CDC16: variants seen among roughly 807,000 people sequenced by gnomAD.
The protein encoded by CDC16 is cell division cycle protein 16 homolog.
CDC16 carries 34 observed loss-of-function variants against 87.0 expected under a neutral mutation model. That is an observed-to-expected ratio of 0.39 (90% CI 0.30 to 0.52). The LOEUF (loss-of-function observed/expected upper bound fraction) is 0.52. CDC16 is among the 20% of genes least tolerant of loss of function. CDC16 has a pLI of 0.74. For synonymous variants in CDC16, 263 were observed against 260.6 expected, an observed-to-expected ratio of 1.01 and a Z score of -0.09; for missense variants, 653 against 751.9, an observed-to-expected ratio of 0.87 and a Z score of 1.54.
intron 17 of CDC16, among the ~76,000 whole-genome samples, chr13:114,267,138 C>T (rs1194950753): frequency 2.0e-5 from 3 of 152,106 alleles, no homozygotes; most frequent in African/African-American, 7.2e-5. Flanking sequence ...AGAAACACAC[C>T]TAAGAAACTG....
At position 114,243,268 on chromosome 13, in the gene CDC16, C is replaced by A; in HGVS notation, c.553C>A (p.Leu185Ile). Residue 185 changes from leucine to isoleucine, a missense_variant, in exon 7 of 18, where the codon CTT becomes ATT. Physicochemically the swap from Leu to Ile is conservative, Grantham distance 5. Coordinates refer to ENST00000356221, the MANE Select transcript of CDC16 (RefSeq NM_001078645.3). Reference protein sequence around the residue: ...MLTAQEEKELLESLPLSKLCN... With the variant: ...MLTAQEEKELIESLPLSKLCN... Reference sequence around the variant, plus strand: ...TCACCATTTTTAAGAAAAAGAACTTCTTGAATCACTACCCCTTAGCAAGCT... The same window carrying A: ...TCACCATTTTTAAGAAAAAGAACTTATTGAATCACTACCCCTTAGCAAGCT... 6.6e-7 allele frequency: 1 copy of A among 1,514,576 alleles called. No homozygotes were observed. The highest frequency in any genetic ancestry group is 9.2e-7 in the Non-Finnish European group (1 of 1,092,118). The allele number at this position is 1,514,576 out of a possible 1,614,324, so 93.8% of individuals were successfully genotyped here. A position where few individuals can be genotyped will look rare whatever the true frequency, so the allele number is the denominator to read the frequency against.
Position 114,246,078 on chromosome 13 carries a change from T to G in CDC16, c.897+29T>G, listed in dbSNP as rs779320626. 68 of 1,107,294 alleles carry G rather than the reference T, an allele frequency of 6.1e-5. 1 individual carries two copies. In the African/African-American group the frequency reaches 7.1e-4, roughly 12 times the overall value. 68.6% of individuals were successfully genotyped at this position (1,107,294 alleles called of 1,614,324 possible). ...AGTAATATAACTTTTAGTCTTAGTT[T>G]TTTTTTTTTTACCTGTACTTTAAGA... On this transcript the variant is annotated intron_variant, in intron 10 of 17. Transcript: ENST00000356221.
Position 114,265,048 on chromosome 13 carries a change from T to TTCC in CDC16, c.1513-101_1513-99dup. On this transcript the variant is annotated intron_variant, in intron 16 of 17. Coordinates refer to ENST00000356221, the MANE Select transcript of CDC16 (RefSeq NM_001078645.3). Reference sequence around the variant, plus strand: ...CAGTCATGTAGCTATGTCTGGCCACTTCCCCCACCCTGGATGCCCTGGAAT... The same window carrying TTCC: ...CAGTCATGTAGCTATGTCTGGCCACTTCCTCCCCCACCCTGGATGCCCTGGAAT... 5.8e-6 allele frequency: 5 copies of TTCC among 861,748 alleles called. No homozygotes were observed. The South Asian group carries it at 6.9e-5, about 12-fold the overall frequency. 53.4% of individuals were successfully genotyped at this position (861,748 alleles called of 1,614,324 possible).
chr13:114,266,272 G>A (rs1037588323), intron 17 of CDC16, among the ~76,000 whole-genome samples: 1 of 152,316 alleles, frequency 6.6e-6, no homozygotes, highest in East Asian at 1.9e-4. Flanking sequence ...CTAAAACGGG[G>A]TCTGTGGCAC....
At position 114,262,754 on chromosome 13, in the gene CDC16, C is replaced by G. The variant is rs935507233; in HGVS notation, c.1377-125C>G. On this transcript the variant is annotated intron_variant, in intron 15 of 17. Transcript: ENST00000356221. ...CATGAGAGTAGGTGTGGAGAACATT[C>G]ACCAGTCTAGACTGCTGTTCTCATT... 1.5e-5 allele frequency: 13 copies of G among 884,680 alleles called. No individual in the cohort carries two copies. The African/African-American group carries it at 1.7e-4, about 11-fold the overall frequency. 54.8% of individuals were successfully genotyped at this position (884,680 alleles called of 1,614,324 possible). A position where few individuals can be genotyped will look rare whatever the true frequency, so the allele number is the denominator to read the frequency against.
chr13:114,256,169 ACTC>A (rs2082486406), intron 12 of CDC16, among the ~76,000 whole-genome samples: 1 of 152,052 alleles, frequency 6.6e-6, no homozygotes, highest in Admixed American at 6.6e-5. Flanking sequence ...TTGAATATAC[ACTC>A]CTCAGATTGT....
chr13:114,272,564 G>C lies in CDC16; in HGVS notation c.*121G>C, dbSNP rs542257515. The C allele has an allele frequency of 7.5e-6, 6 of 798,508 alleles. No individual in the cohort carries two copies. In the South Asian group the frequency reaches 1.2e-4, roughly 15 times the overall value. 49.5% of individuals were successfully genotyped at this position (798,508 alleles called of 1,614,324 possible). On this transcript the variant is annotated 3_prime_UTR_variant, in exon 18 of 18. Coordinates refer to ENST00000356221, the MANE Select transcript of CDC16 (RefSeq NM_001078645.3). ...CTCCAAACTGCATCTCTACATTTAG[G>C]AACAGAGACCCGCCTTAAGAGACTG...
chr13:114,272,482 G>A lies in CDC16; in HGVS notation c.*39G>A. 6.3e-7 allele frequency: 1 copy of A among 1,582,820 alleles called. No homozygotes were observed. Among genetic ancestry groups the A allele is most frequent in the South Asian group, 1.1e-5 (1 of 87,884 alleles). ...TCCTGGTCCCACTGTCCCAGTGTAG[G>A]TTAGTATTCCTTCACATCCTCTCCA... is the stretch of plus-strand genomic sequence containing the variant. On this transcript the variant is annotated 3_prime_UTR_variant, in exon 18 of 18. Coordinates refer to ENST00000356221, the MANE Select transcript of CDC16 (RefSeq NM_001078645.3).
At chr13:114,236,513 T>G in intron 1 of CDC16, 132 bp from the exon 2 acceptor site, 1 of 754,684 alleles carries the variant, frequency 1.3e-6, no homozygotes, top group Non-Finnish European at 1.8e-6. Flanking sequence ...AACAAATTGT[T>G]GTCTTGAGAT....
chr13:114,254,362 T>C (rs867618248), intron 12 of CDC16, among the ~76,000 whole-genome samples: 4 of 152,194 alleles, frequency 2.6e-5, no homozygotes, highest in Non-Finnish European at 5.9e-5. Flanking sequence ...TTAATCCCCT[T>C]TTTTTATTAT....
At chr13:114,250,709 G>C (rs1424269209) in intron 12 of CDC16, 35 bp downstream of exon 12, 2 of 1,602,906 alleles carry the variant, frequency 1.2e-6, no homozygotes, top group Non-Finnish European at 8.5e-7. Flanking sequence ...CTCCATGAAG[G>C]GATGTTTTTC....
chr13:114,259,326 T>C lies in CDC16; in HGVS notation c.1251-9T>C. The C allele has an allele frequency of 6.4e-7, 1 of 1,565,210 alleles. No individual in the cohort carries two copies. The highest frequency in any genetic ancestry group is 8.6e-7 in the Non-Finnish European group (1 of 1,166,268). ...GAATAATCTGCAACCTTTTTTCCTT[T>C]CATTTTAGATGGAAAACAGCCGAAA... On this transcript the variant is annotated splice_polypyrimidine_tract_variant and intron_variant, in intron 13 of 17. Transcript: ENST00000356221.
chr13:114,240,018 AAAAAT>A (rs1303499771), intron 5 of CDC16, among the ~76,000 whole-genome samples: 2 of 151,954 alleles, frequency 1.3e-5, no homozygotes, highest in Non-Finnish European at 2.9e-5. Context: ...ATTTAAAAAA[AAAAAT>A]AAAAACTTAT....
chr13:114,262,897 G>A lies in CDC16; in HGVS notation c.1395G>A (p.Leu465=), dbSNP rs147965792. The change falls in exon 16 of 18, where the codon TTG becomes TTA. Residue 465 remains leucine (L), a synonymous_variant. Transcript: ENST00000356221. ...CCCACAGAAAGTATGCTGAGGCCTTGGATTACCACCGTCAGGCACTGGTGT... is the reference window on the plus strand; with the variant it reads ...CCCACAGAAAGTATGCTGAGGCCTTAGATTACCACCGTCAGGCACTGGTGT... ...CRKLKKYAEA[L]DYHRQALVLI... 9.1e-5 allele frequency: 147 copies of A among 1,614,012 alleles called. No homozygotes were observed. Among genetic ancestry groups the A allele is most frequent in the Non-Finnish European group, 1.2e-4 (141 of 1,180,008 alleles).
intron 16 of CDC16, among the ~76,000 whole-genome samples, chr13:114,264,615 TC>T (rs1399877621): frequency 2.0e-5 from 3 of 151,920 alleles, no homozygotes; most frequent in Non-Finnish European, 4.4e-5. Context: ...AGATAGAACT[TC>T]TTTTTTTTCT....
chr13:114,243,721 A>G (rs2081685067), intron 7 of CDC16, 135 bp from the exon 8 acceptor site: 1 of 650,448 alleles, frequency 1.5e-6, no homozygotes, highest in Non-Finnish European at 2.6e-6. Flanking sequence ...TATAAAACCT[A>G]AAGTTATAAG....
chr13:114,250,609 T>C lies in CDC16; in HGVS notation c.1032T>C (p.Phe344=), dbSNP rs751864803. Residue 344 remains phenylalanine, a synonymous_variant, in exon 12 of 18, where the codon TTT becomes TTC. Coordinates refer to ENST00000356221, the MANE Select transcript of CDC16 (RefSeq NM_001078645.3). The part of the protein sequence containing the change: ...GPAWIAYGHS[F]AVESEHDQAM... ...CATGGATAGCCTATGGACATTCATTTGCGGTGGAGAGTGAGCACGACCAAG... is the reference window on the plus strand; with the variant it reads ...CATGGATAGCCTATGGACATTCATTCGCGGTGGAGAGTGAGCACGACCAAG... 24 of 1,614,016 alleles carry C rather than the reference T, an allele frequency of 1.5e-5. No homozygotes were observed. The highest frequency in any genetic ancestry group is 1.8e-5 in the Non-Finnish European group (21 of 1,179,982).
chr13:114,236,780 T>G lies in CDC16; in HGVS notation c.104-19T>G. On this transcript the variant is annotated intron_variant, in intron 2 of 17. Coordinates refer to ENST00000356221, the MANE Select transcript of CDC16 (RefSeq NM_001078645.3). ...TTCACCTTGTACCTCTGACCACTTA[T>G]GTGAATTTTTCCCTCCAGAAGAACC... 1 of 1,612,618 alleles carries G rather than the reference T, an allele frequency of 6.2e-7. No individual in the cohort carries two copies. The highest frequency in any genetic ancestry group is 8.5e-7 in the Non-Finnish European group (1 of 1,178,710).
rs9525311 is a variant in CDC16 at position 114,258,373 on chromosome 13, C to T, written c.1251-962C>T. ...TTCCAGCTGGAGTCTAAGAAGGCAA[C>T]GCTCTGCCTTTTTTCCCAGTTCAAC... On this transcript the variant is annotated intron_variant, in intron 13 of 17. Transcript: ENST00000356221. Among the ~76,000 whole-genome samples, 461 of 152,304 alleles carry T rather than the reference C, an allele frequency of 3.0e-3. 1 individual carries two copies. The highest frequency in any genetic ancestry group is 0.011 in the African/African-American group (442 of 41,560).
Sources: gnomAD v4.1 joint callset for allele counts (sites outside exome capture counted in the v4.1 genomes callset) on GRCh38, gnomAD v4.1.1 for gene constraint, MANE v1.5 for transcripts, NCBI Gene and HGNC (gene_info 2026-07-23, HGNC 2026-07-21) for gene names.